AKAP7: variants seen among roughly 807,000 people sequenced by gnomAD.
AKAP7 encodes A kinase (PRKA) anchor protein 7.
In AKAP7, 39 loss-of-function variants were observed where a neutral mutation model predicts 39.5. The ratio of observed to expected loss-of-function variants is 0.99; its 90% CI spans 0.76 to 1.29. The LOEUF (loss-of-function observed/expected upper bound fraction) is 1.29, where lower values mean the gene tolerates loss of function less well. Among genes scored for constraint, AKAP7 ranks in the 50% most tolerant of loss-of-function variants. AKAP7 has a pLI of 0.00. For synonymous variants in AKAP7, 140 were observed against 139.1 expected, an observed-to-expected ratio of 1.01 and a Z score of -0.05; for missense variants, 414 against 407.7, an observed-to-expected ratio of 1.02 and a Z score of -0.13.
rs554134298 is a variant in AKAP7 at position 131,262,833 on chromosome 6, C to T, written c.851-18697C>T. Among the ~76,000 whole-genome samples, 3 of 152,328 alleles carry T rather than the reference C, an allele frequency of 2.0e-5. No homozygotes were observed. The East Asian group carries it at 5.8e-4, about 29-fold the overall frequency. ...ATTTTTATATTTTGCTAAGCCAATT[C>T]TCTCAATCCATATTAATGATATCCA... is the stretch of plus-strand genomic sequence containing the variant. On this transcript the variant is annotated intron_variant, in intron 7 of 7. Transcript: ENST00000431975.
At chr6:131,179,896 T>A (rs57481795) in intron 5 of AKAP7, among the ~76,000 whole-genome samples, 67,287 of 142,100 alleles carry the variant, frequency 0.47, 16,517 homozygotes, top group East Asian at 0.94. Flanking sequence ...AATAAATAAA[T>A]AATAAATAAA....
intron 7 of AKAP7, among the ~76,000 whole-genome samples, chr6:131,247,267 ATG>A (rs1243120847): frequency 2.8e-5 from 1 of 35,196 alleles, no homozygotes; most frequent in Non-Finnish European, 5.3e-5. Flanking sequence ...CACATTTCAT[ATG>A]TATATATATA....
intron 3 of AKAP7, among the ~76,000 whole-genome samples, chr6:131,162,203 A>G (rs1803038896): frequency 6.6e-6 from 1 of 152,172 alleles, no homozygotes; most frequent in African/African-American, 2.4e-5. Context: ...GGGGATTGAG[A>G]GGAAGGAAGA....
chr6:131,204,818 G>A (rs1807931283), intron 6 of AKAP7, among the ~76,000 whole-genome samples: 1 of 152,164 alleles, frequency 6.6e-6, no homozygotes, highest in African/African-American at 2.4e-5. Flanking sequence ...TGGAGGGGTG[G>A]TGTATAGTGA....
rs777206779 is a variant in AKAP7 at position 131,219,759 on chromosome 6, G to GA, written c.807dup (p.Gln270ThrfsTer3). 2.5e-6 allele frequency: 4 copies of GA among 1,594,028 alleles called. No homozygotes were observed. The highest frequency in any genetic ancestry group is 3.4e-6 in the Non-Finnish European group (4 of 1,171,452). On this transcript the variant is annotated frameshift_variant, in exon 7 of 8. Coordinates refer to ENST00000431975, the MANE Select transcript of AKAP7 (RefSeq NM_016377.4). LOFTEE classifies it high-confidence loss of function. The stretch of plus-strand genomic sequence containing the variant: ...GCATAGATCTTTGCTCCATGCTGAA[G>GA]AAAAAACAAAGTAATGGTTATTATC...
intron 2 of AKAP7, among the ~76,000 whole-genome samples, chr6:131,157,274 C>T (rs1331469798): frequency 1.3e-5 from 2 of 152,134 alleles, no homozygotes; most frequent in Non-Finnish European, 2.9e-5. Context: ...TCTAAAATTA[C>T]ACAGGGAAAC....
At chr6:131,133,815 T>A (rs986415170), upstream of AKAP7, among the ~76,000 whole-genome samples, 2 of 152,242 alleles carry the variant, frequency 1.3e-5, no homozygotes, top group Admixed American at 1.3e-4. Flanking sequence ...GGGGCTTCTA[T>A]ACCATTTTAA....
Position 131,281,745 on chromosome 6 carries a change from C to G in AKAP7, c.*19C>G. The G allele has an allele frequency of 6.3e-7, 1 of 1,576,096 alleles. No individual in the cohort carries two copies. The highest frequency in any genetic ancestry group is 8.6e-7 in the Non-Finnish European group (1 of 1,161,208). On this transcript the variant is annotated 3_prime_UTR_variant, in exon 8 of 8. Coordinates refer to ENST00000431975, the MANE Select transcript of AKAP7 (RefSeq NM_016377.4). The surrounding 1 kb of genome is among the most constrained non-coding windows in gnomAD (Gnocchi z 4.0). ...GAAATGAGCCCGGAACGCAGGCCCC[C>G]ATGTCTCTGTGCAAAGCCTCCCTGC...
rs199572277 is a variant in AKAP7, at chr6:131,152,376, TAAAG to T, written c.151+6963_151+6966del. On this transcript the variant is annotated intron_variant, in intron 2 of 7. Transcript: ENST00000431975. Reference sequence around the variant, plus strand: ...TTATATTTTCATATGAAACTAAAAATAAAGAATAATATCCAGTTGTATTTTAGAA... The same window carrying T: ...TTATATTTTCATATGAAACTAAAAATAATAATATCCAGTTGTATTTTAGAA... Among the ~76,000 whole-genome samples the T allele has an allele frequency of 7.6e-3, 1,164 of 152,348 alleles. 14 individuals are homozygous for T. The highest frequency in any genetic ancestry group is 0.026 in the African/African-American group (1,071 of 41,580).
intron 5 of AKAP7, among the ~76,000 whole-genome samples, chr6:131,175,789 G>A (rs1295464033): frequency 1.3e-5 from 2 of 152,120 alleles, no homozygotes; most frequent in African/African-American, 2.4e-5. Flanking sequence ...TGAGGACACC[G>A]GGTCACAGAG....
intron 2 of AKAP7, 125 bp from the exon 3 acceptor site, chr6:131,159,934 T>C (rs1216449721): frequency 8.7e-6 from 8 of 923,124 alleles, no homozygotes; most frequent in Non-Finnish European, 1.3e-5. Context: ...GTTTGCAAAC[T>C]CCTGCTTTAG....
chr6:131,267,306 A>G (rs1813880097), intron 7 of AKAP7, among the ~76,000 whole-genome samples: 1 of 152,044 alleles, frequency 6.6e-6, no homozygotes, highest in African/African-American at 2.4e-5. Flanking sequence ...AGTCAGTGAC[A>G]TATCTTATGT....
chr6:131,276,464 G>A (rs1416974934), intron 7 of AKAP7, among the ~76,000 whole-genome samples: 1 of 152,002 alleles, frequency 6.6e-6, no homozygotes, highest in Non-Finnish European at 1.5e-5. Flanking sequence ...CAAGGCAGCC[G>A]AGTATGCCAT....
At chr6:131,160,306 G>A in intron 3 of AKAP7, 108 bp downstream of exon 3, 1 of 1,116,068 alleles carries the variant, frequency 9.0e-7, no homozygotes, top group South Asian at 1.4e-5. Flanking sequence ...GTATTTGGTG[G>A]CATTTTAGCA....
chr6:131,176,921 A>C (rs1804641250), intron 5 of AKAP7, among the ~76,000 whole-genome samples: 1 of 152,162 alleles, frequency 6.6e-6, no homozygotes, highest in African/African-American at 2.4e-5. Flanking sequence ...TTCACTTAGA[A>C]GACCAGCTTG....
At chr6:131,164,805 A>G (rs1159159578) in intron 3 of AKAP7, among the ~76,000 whole-genome samples, 1 of 152,212 alleles carries the variant, frequency 6.6e-6, no homozygotes, top group Non-Finnish European at 1.5e-5. Context: ...TTCCAGTCAG[A>G]TAGCAATCTG....
intron 7 of AKAP7, among the ~76,000 whole-genome samples, chr6:131,279,314 G>C (rs1815011613): frequency 6.6e-6 from 1 of 152,118 alleles, no homozygotes; most frequent in African/African-American, 2.4e-5. Context: ...CTGTCACCAG[G>C]CCGGAGTGCA....
intron 7 of AKAP7, among the ~76,000 whole-genome samples, chr6:131,267,834 C>G (rs1813942036): frequency 6.6e-6 from 1 of 152,182 alleles, no homozygotes; most frequent in Non-Finnish European, 1.5e-5. Flanking sequence ...TACATCTTTC[C>G]TTGAGAGCGT....
At chr6:131,208,872 G>A (rs1808373647) in intron 6 of AKAP7, among the ~76,000 whole-genome samples, 2 of 152,210 alleles carry the variant, frequency 1.3e-5, no homozygotes, top group African/African-American at 4.8e-5. Context: ...AAGAGAGTTG[G>A]TGAACATGCT....
Sources: allele counts gnomAD v4.1 joint callset (sites outside exome capture counted in the v4.1 genomes callset), GRCh38; gene constraint gnomAD v4.1.1; non-coding constraint Gnocchi (gnomAD v3.1); transcripts MANE v1.5; gene names NCBI Gene and HGNC (gene_info 2026-07-23, HGNC 2026-07-21).